Variants in GPR143 observed in about 807,000 individuals in gnomAD.
GPR143 encodes G protein-coupled receptor 143.
In GPR143, 8 loss-of-function variants were observed where a neutral mutation model predicts 27.6. The ratio of observed to expected loss-of-function variants is 0.29; its 90% CI spans 0.17 to 0.52. The LOEUF (loss-of-function observed/expected upper bound fraction) is 0.52, where lower values mean the gene tolerates loss of function less well. Ranked by LOEUF, GPR143 falls within the 20% of genes least tolerant of loss-of-function variation. The pLI is 0.96. For synonymous variants in GPR143, 156 were observed against 153.2 expected (o/e 1.02, Z -0.13); for missense variants, 303 against 343.1 (o/e 0.88, Z 0.92).
rs191109486 is a variant in GPR143, at chrX:9,761,873, G to A, written c.251-1047C>T. Among the ~76,000 whole-genome samples the A allele has an allele frequency of 4.5e-3, 500 of 112,166 alleles. 2 individuals are homozygous for A. Among genetic ancestry groups the A allele is most frequent in the African/African-American group, 0.015 (477 of 30,908 alleles). The stretch of plus-strand genomic sequence containing the variant: ...AGCACTTTGGGAGGCCAAGGCCGGC[G>A]GATCACTTGAGCCCAGGAGATGACA... On this transcript the variant is annotated intron_variant, in intron 1 of 8. Transcript: ENST00000467482.
rs1023047490 is a variant in GPR143 at position 9,739,572 on chromosome X, G to A, written c.1033C>T (p.Leu345=). Reference sequence around the variant, plus strand: ...GAAGCAGGGTTTTCATGGGGCATCAGTGGGGATGGGTGAGCCCCCTCAGCA... The same window carrying A: ...GAAGCAGGGTTTTCATGGGGCATCAATGGGGATGGGTGAGCCCCCTCAGCA... The part of the protein sequence containing the change: ...SAAEGAHPSP[L]MPHENPASGK... The change falls in exon 8 of 9, where the codon CTG becomes TTG. Residue 345 remains leucine, a synonymous_variant. Coordinates refer to ENST00000467482, the MANE Select transcript of GPR143 (RefSeq NM_000273.3). 1 of 1,209,860 alleles carries A rather than the reference G, an allele frequency of 8.3e-7. No homozygotes were observed. The highest frequency in any genetic ancestry group is 2.2e-5 in the Admixed American group (1 of 46,043).
chrX:9,739,785 G>T, intron 7 of GPR143, 66 bp from the exon 8 acceptor site: 1 of 739,589 alleles, frequency 1.4e-6, no homozygotes, highest in African/African-American at 2.1e-5. Flanking sequence ...GCCCTGGGCT[G>T]TCACAGAGTG....
At chrX:9,752,538 C>T (rs1349264554) in intron 3 of GPR143, among the ~76,000 whole-genome samples, 1 of 112,209 alleles carries the variant, frequency 8.9e-6, no homozygotes, top group African/African-American at 3.2e-5. Flanking sequence ...GGAAGTCATC[C>T]TGGGTTATCT....
chrX:9,773,740 T>C (rs1349103999), intron 1 of GPR143, among the ~76,000 whole-genome samples: 1 of 106,998 alleles, frequency 9.3e-6, no homozygotes, highest in African/African-American at 3.4e-5. Flanking sequence ...GGTGCACGCC[T>C]GTGGTCCCAA....
intron 8 of GPR143, among the ~76,000 whole-genome samples, chrX:9,726,398 C>T (rs1321676973): frequency 3.6e-5 from 4 of 111,433 alleles, no homozygotes; most frequent in Admixed American, 2.9e-4. Context: ...CAAGTAGCTC[C>T]TCCCTGTCAG....
chrX:9,760,411 A>G (rs1277487968), intron 2 of GPR143, among the ~76,000 whole-genome samples: 2 of 111,627 alleles, frequency 1.8e-5, no homozygotes, highest in African/African-American at 6.6e-5. Flanking sequence ...TATTTAATAT[A>G]TTTATGTATA....
intron 3 of GPR143, among the ~76,000 whole-genome samples, chrX:9,753,611 C>A (rs892704314): frequency 9.0e-6 from 1 of 110,996 alleles, no homozygotes; most frequent in African/African-American, 3.3e-5. Context: ...AAACCTGAAC[C>A]TGAGGTTTCC....
At chrX:9,755,131 G>C (rs915580558) in intron 3 of GPR143, among the ~76,000 whole-genome samples, 21 of 112,144 alleles carry the variant, frequency 1.9e-4, no homozygotes, top group African/African-American at 6.2e-4. Context: ...ATGAAACTAA[G>C]TTCTGGCCAG....
At chrX:9,754,080 G>A (rs1169732252) in intron 3 of GPR143, among the ~76,000 whole-genome samples, 6 of 111,178 alleles carry the variant, frequency 5.4e-5, no homozygotes, top group Non-Finnish European at 1.1e-4. Flanking sequence ...GGACGAGGTG[G>A]GGTAGGGGGC....
intron 2 of GPR143, 52 bp from the exon 3 acceptor site, chrX:9,759,478 C>T (rs1307800406): frequency 2.4e-6 from 2 of 844,827 alleles, no homozygotes; most frequent in South Asian, 4.3e-5. Flanking sequence ...GTACAAGAAG[C>T]CCAGCCCATC....
chrX:9,742,222 T>C (rs2083407254), intron 6 of GPR143, among the ~76,000 whole-genome samples: 1 of 112,085 alleles, frequency 8.9e-6, no homozygotes. Context: ...ATGATTTATG[T>C]ATCTCCAAGA....
chrX:9,759,811 T>C (rs1490181826), intron 2 of GPR143, among the ~76,000 whole-genome samples: 1 of 111,523 alleles, frequency 9.0e-6, no homozygotes, highest in Admixed American at 9.5e-5. Context: ...GTAAGGGGAC[T>C]CCAGTGTTAG....
At chrX:9,757,900 C>T (rs1383997783) in intron 3 of GPR143, among the ~76,000 whole-genome samples, 1 of 110,386 alleles carries the variant, frequency 9.1e-6, no homozygotes, top group Non-Finnish European at 1.9e-5. Context: ...TAGCTGGGAC[C>T]ACCGTTGCAC....
intron 8 of GPR143, among the ~76,000 whole-genome samples, chrX:9,727,233 T>C (rs918849334): frequency 4.4e-5 from 5 of 113,227 alleles, no homozygotes; most frequent in Non-Finnish European, 9.4e-5. Context: ...TAAGGCCTGC[T>C]CCTCCCCGAT....
At chrX:9,738,621 TTTTG>T (rs758973293) in intron 8 of GPR143, 8 of 441,073 alleles carry the variant, frequency 1.8e-5, no homozygotes, top group Non-Finnish European at 2.3e-5. Context: ...ATTTGTTTGT[TTTTG>T]TTTTTGTTTT....
chrX:9,760,498 G>A (rs1209628428), intron 2 of GPR143, among the ~76,000 whole-genome samples: 2 of 111,638 alleles, frequency 1.8e-5, no homozygotes, highest in East Asian at 2.8e-4. Flanking sequence ...CCATGTAAGC[G>A]GAGGATGCAT....
chrX:9,737,063 G>A (rs984762114), intron 8 of GPR143, among the ~76,000 whole-genome samples: 17 of 111,756 alleles, frequency 1.5e-4, no homozygotes, highest in African/African-American at 5.2e-4. Context: ...CACTTTGGGA[G>A]GCCAAGGTGG....
intron 8 of GPR143, among the ~76,000 whole-genome samples, chrX:9,738,782 G>C (rs1250969244): frequency 1.8e-5 from 2 of 111,770 alleles, no homozygotes; most frequent in Non-Finnish European, 3.8e-5. Flanking sequence ...GTGCCTCCAT[G>C]CCGGCTAATT....
intron 8 of GPR143, 59 bp from the exon 9 acceptor site, chrX:9,725,899 C>A: frequency 9.1e-7 from 1 of 1,096,714 alleles, no homozygotes; most frequent in Admixed American, 2.7e-5. Flanking sequence ...TTGTCATCAG[C>A]TTCAGAAAAT....
Sources: allele counts gnomAD v4.1 joint callset (sites outside exome capture counted in the v4.1 genomes callset), GRCh38; gene constraint gnomAD v4.1.1; transcripts MANE v1.5; gene names NCBI Gene and HGNC (gene_info 2026-07-23, HGNC 2026-07-21).